Variants in SPAG16 observed in about 807,000 individuals in gnomAD.
SPAG16 encodes the protein sperm-associated antigen 16 protein.
In SPAG16, 86 loss-of-function variants were observed where a neutral mutation model predicts 80.4. That is an observed-to-expected ratio of 1.07 (90% confidence interval 0.90 to 1.28). The LOEUF (loss-of-function observed/expected upper bound fraction) is 1.28, where lower values mean the gene tolerates loss of function less well. Ranked by LOEUF, SPAG16 falls within the 50% of genes most tolerant of loss-of-function variation. The probability of loss-of-function intolerance (pLI) is 0.00; values close to 1 mark genes in which losing one functional copy is unlikely to be tolerated. For synonymous variants in SPAG16, 294 were observed against 265.9 expected, an observed-to-expected ratio of 1.11 and a Z score of -1.03; for missense variants, 870 against 765.3, an observed-to-expected ratio of 1.14 and a Z score of -1.61.
intron 15 of SPAG16, among the ~76,000 whole-genome samples, chr2:214,172,764 T>G (rs1358162348): frequency 3.9e-5 from 6 of 152,038 alleles, no homozygotes. Flanking sequence ...CAGCACCTGT[T>G]GTTTCCTGAC....
intron 15 of SPAG16, among the ~76,000 whole-genome samples, chr2:214,379,602 T>C (rs554319077): frequency 2.2e-4 from 34 of 152,300 alleles, no homozygotes; most frequent in Non-Finnish European, 4.1e-4. Flanking sequence ...TCGGACATTC[T>C]CCAAATTTAT....
chr2:214,373,485 C>T (rs1043323645), intron 15 of SPAG16, among the ~76,000 whole-genome samples: 1 of 151,954 alleles, frequency 6.6e-6, no homozygotes, highest in Admixed American at 6.6e-5. Flanking sequence ...TATTTATTAA[C>T]GTGAGAAATA....
At chr2:213,322,553 A>G (rs561930997) in intron 5 of SPAG16, among the ~76,000 whole-genome samples, 2 of 151,978 alleles carry the variant, frequency 1.3e-5, no homozygotes, top group African/African-American at 2.4e-5. Flanking sequence ...AGCATCTGTG[A>G]CATCATACTG....
chr2:214,126,260 G>A (rs968960420), intron 14 of SPAG16, among the ~76,000 whole-genome samples: 5 of 150,980 alleles, frequency 3.3e-5, no homozygotes, highest in South Asian at 2.1e-4. Context: ...AGAAGTTTCC[G>A]TTTCTATGAC....
chr2:213,373,490 A>C (rs371750525), intron 8 of SPAG16, among the ~76,000 whole-genome samples: 1 of 152,296 alleles, frequency 6.6e-6, no homozygotes, highest in East Asian at 1.9e-4. Context: ...TTTTGTTTGT[A>C]GAGCAACAAT....
At chr2:214,072,223 C>T (rs976295672) in intron 13 of SPAG16, among the ~76,000 whole-genome samples, 5 of 151,976 alleles carry the variant, frequency 3.3e-5, no homozygotes, top group Non-Finnish European at 7.4e-5. Flanking sequence ...GATACTTTGA[C>T]AGATACATTA....
chr2:214,012,915 A>C (rs1203397957), intron 12 of SPAG16, among the ~76,000 whole-genome samples: 1 of 152,182 alleles, frequency 6.6e-6, no homozygotes, highest in Non-Finnish European at 1.5e-5. Flanking sequence ...TTGCTAAAAC[A>C]CAGATTGCTG....
At chr2:214,024,439 A>G (rs1354112805) in intron 13 of SPAG16, among the ~76,000 whole-genome samples, 2 of 151,668 alleles carry the variant, frequency 1.3e-5, no homozygotes, top group African/African-American at 2.4e-5. Flanking sequence ...GTATTCCTTA[A>G]TAATATCTGT....
intron 6 of SPAG16, among the ~76,000 whole-genome samples, chr2:213,346,591 A>AG: frequency 1.3e-5 from 2 of 152,128 alleles, no homozygotes; most frequent in Non-Finnish European, 1.5e-5. Context: ...TTTAGCATGA[A>AG]GGTTGTTCAA....
At chr2:214,197,754 G>C (rs1300414618) in intron 15 of SPAG16, among the ~76,000 whole-genome samples, 1 of 151,834 alleles carries the variant, frequency 6.6e-6, no homozygotes, top group Non-Finnish European at 1.5e-5. Flanking sequence ...TGATAGCTAT[G>C]TGTGGTAACA....
Position 213,547,799 on chromosome 2 carries a change from C to CGTAT in SPAG16, c.1070+57709_1070+57710insGTAT, listed in dbSNP as rs545880531. On this transcript the variant is annotated intron_variant, in intron 10 of 15. Transcript: ENST00000331683. ...TCATTTATATGCAAACAAGCTTGAA[C>CGTAT]ATACATTCTTATTTGCCCTTATGTA... Among the ~76,000 whole-genome samples the CGTAT allele has an allele frequency of 1.2e-3, 190 of 152,140 alleles. 1 individual carries two copies. The highest frequency in any genetic ancestry group is 2.0e-3 in the Admixed American group (31 of 15,280).
At chr2:213,903,691 T>C (rs1325115414) in intron 11 of SPAG16, among the ~76,000 whole-genome samples, 2 of 152,210 alleles carry the variant, frequency 1.3e-5, no homozygotes, top group African/African-American at 4.8e-5. Flanking sequence ...TATGCAAATC[T>C]CTGCAGCTGG....
At chr2:214,266,757 C>T (rs1363644326) in intron 15 of SPAG16, among the ~76,000 whole-genome samples, 3 of 150,850 alleles carry the variant, frequency 2.0e-5, no homozygotes, top group African/African-American at 7.3e-5. Flanking sequence ...GATACAAAAT[C>T]AACTACAAAA....
At chr2:214,387,719 C>A (rs986314742) in intron 15 of SPAG16, among the ~76,000 whole-genome samples, 2 of 152,148 alleles carry the variant, frequency 1.3e-5, no homozygotes, top group African/African-American at 4.8e-5. Flanking sequence ...GAAGCAAACA[C>A]ATCCTTCTTC....
intron 10 of SPAG16, among the ~76,000 whole-genome samples, chr2:213,787,432 C>T (rs1284596328): frequency 6.6e-6 from 1 of 151,886 alleles, no homozygotes; most frequent in African/African-American, 2.4e-5. Context: ...TCTTTCATGA[C>T]TTGGGTTTAG....
chr2:213,295,648 A>C (rs766782543), intron 1 of SPAG16, among the ~76,000 whole-genome samples: 2 of 152,118 alleles, frequency 1.3e-5, no homozygotes, highest in Admixed American at 6.5e-5. Flanking sequence ...TGTACTGTGA[A>C]TAGTTAACTC....
At chr2:214,164,016 C>T (rs1171259201) in intron 15 of SPAG16, among the ~76,000 whole-genome samples, 1 of 152,096 alleles carries the variant, frequency 6.6e-6, no homozygotes, top group African/African-American at 2.4e-5. Context: ...ACCATATGTA[C>T]AATGGCCTAT....
chr2:213,338,896 T>G (rs192119649), intron 5 of SPAG16, among the ~76,000 whole-genome samples: 52 of 151,802 alleles, frequency 3.4e-4, no homozygotes, highest in African/African-American at 1.2e-3. Context: ...AGGTGGAGCA[T>G]TAGGAAAAAT....
intron 15 of SPAG16, among the ~76,000 whole-genome samples, chr2:214,301,192 A>G (rs1275308586): frequency 3.3e-5 from 5 of 150,500 alleles, no homozygotes; most frequent in African/African-American, 4.9e-5. Flanking sequence ...TTACCACATA[A>G]ATAGATTTAA....
Sources: allele counts gnomAD v4.1 joint callset (sites outside exome capture counted in the v4.1 genomes callset), GRCh38; gene constraint gnomAD v4.1.1; transcripts MANE v1.5; gene names NCBI Gene and HGNC (gene_info 2026-07-23, HGNC 2026-07-21).